The following PRKAR2B variants were observed in gnomAD, a reference collection of about 807,000 sequenced individuals.
PRKAR2B encodes the protein cAMP-dependent protein kinase type II-beta regulatory subunit.
In PRKAR2B, 14 loss-of-function variants were observed where a neutral mutation model predicts 49.9. The ratio of observed to expected loss-of-function variants is 0.28; its 90% confidence interval spans 0.19 to 0.44. The LOEUF (loss-of-function observed/expected upper bound fraction) is 0.44. Among genes scored for constraint, PRKAR2B ranks in the 20% least tolerant of loss-of-function variants. PRKAR2B has a pLI of 1.00. For synonymous variants in PRKAR2B, 196 were observed against 197.7 expected, an observed-to-expected ratio of 0.99 and a Z score of 0.07; for missense variants, 393 against 537.9, an observed-to-expected ratio of 0.73 and a Z score of 2.67.
At chr7:107,060,628 C>G (rs1794009575) in intron 1 of PRKAR2B, among the ~76,000 whole-genome samples, 1 of 143,168 alleles carries the variant, frequency 7.0e-6, no homozygotes, top group African/African-American at 2.5e-5. Context: ...CCCTCCCTTC[C>G]TCTCTTCCTT....
chr7:107,058,959 A>AT (rs1282451162), intron 1 of PRKAR2B, among the ~76,000 whole-genome samples: 1 of 152,178 alleles, frequency 6.6e-6, no homozygotes, highest in African/African-American at 2.4e-5. Context: ...GCTCTGACAG[A>AT]TTTTAACATT....
intron 2 of PRKAR2B, among the ~76,000 whole-genome samples, chr7:107,093,540 C>G (rs1251824331): frequency 3.4e-5 from 5 of 148,038 alleles, no homozygotes; most frequent in Non-Finnish European, 7.4e-5. Flanking sequence ...ACTTTAAGTT[C>G]TAGGGTACAT....
chr7:107,051,909 A>G (rs1037717874), intron 1 of PRKAR2B, among the ~76,000 whole-genome samples: 3 of 152,214 alleles, frequency 2.0e-5, no homozygotes, highest in Admixed American at 6.5e-5. Flanking sequence ...GACATTGTTT[A>G]ATTTACATTA....
At chr7:107,045,462 G>T (rs181695642) in intron 1 of PRKAR2B, among the ~76,000 whole-genome samples, 20 of 152,248 alleles carry the variant, frequency 1.3e-4, no homozygotes, top group Admixed American at 3.3e-4. Flanking sequence ...GGGATGTTAC[G>T]CTTCCCTCTT....
intron 2 of PRKAR2B, among the ~76,000 whole-genome samples, chr7:107,106,736 G>C (rs1795081038): frequency 6.6e-6 from 1 of 152,094 alleles, no homozygotes; most frequent in African/African-American, 2.4e-5. Context: ...GGGGTGTTTG[G>C]TGACTTTGGG....
chr7:107,147,567 C>T (rs1187801589), intron 6 of PRKAR2B, among the ~76,000 whole-genome samples: 2 of 152,172 alleles, frequency 1.3e-5, no homozygotes, highest in East Asian at 1.9e-4. Flanking sequence ...TACAAATCAC[C>T]TGGGAATCCA....
intron 1 of PRKAR2B, among the ~76,000 whole-genome samples, chr7:107,053,525 A>AGT (rs56855022): frequency 0.18 from 25,773 of 141,784 alleles, 2,311 homozygotes; most frequent in Non-Finnish European, 0.21. Flanking sequence ...GATTATAAAG[A>AGT]GTGTGTGTGT....
intron 1 of PRKAR2B, among the ~76,000 whole-genome samples, chr7:107,051,330 C>A (rs1793796190): frequency 6.6e-6 from 1 of 152,074 alleles, no homozygotes; most frequent in Non-Finnish European, 1.5e-5. Flanking sequence ...TAATATTAGA[C>A]TATATTTTCC....
At chr7:107,062,736 G>GA (rs1276086429) in intron 1 of PRKAR2B, among the ~76,000 whole-genome samples, 17 of 151,880 alleles carry the variant, frequency 1.1e-4, no homozygotes, top group African/African-American at 3.1e-4. Flanking sequence ...GGACACTCTT[G>GA]AAATCTTTTT....
rs1258700828 is a variant in PRKAR2B at position 107,137,055 on chromosome 7, T to C, written c.481-3792T>C. Among the ~76,000 whole-genome samples the C allele has an allele frequency of 2.6e-5, 4 of 152,208 alleles. No individual in the cohort carries two copies. The East Asian group carries it at 5.8e-4, about 22-fold the overall frequency. ...GTGAAAGAAGCCAATGTGGAAAGGC[T>C]ATGTGCTGCATGATTCCAACTATTT... On this transcript the variant is annotated intron_variant, in intron 4 of 10. Transcript: ENST00000265717.
chr7:107,121,860 A>G, intron 2 of PRKAR2B, 92 bp from the exon 3 acceptor site: 1 of 653,870 alleles, frequency 1.5e-6, no homozygotes, highest in South Asian at 3.3e-5. Context: ...ATACCGTGGT[A>G]CTCTTTTTGT....
chr7:107,092,277 CTGTG>C (rs34049788), intron 2 of PRKAR2B, among the ~76,000 whole-genome samples: 2 of 145,998 alleles, frequency 1.4e-5, no homozygotes, highest in Admixed American at 6.9e-5. Context: ...GTGCGTGTGT[CTGTG>C]TGTGTGTGTG....
At chr7:107,122,499 A>G (rs1438452303) in intron 3 of PRKAR2B, among the ~76,000 whole-genome samples, 1 of 152,154 alleles carries the variant, frequency 6.6e-6, no homozygotes, top group African/African-American at 2.4e-5. Context: ...GAATTTGTCC[A>G]CTGTGATTTC....
chr7:107,051,029 G>T (rs1381126330), intron 1 of PRKAR2B, among the ~76,000 whole-genome samples: 1 of 152,148 alleles, frequency 6.6e-6, no homozygotes, highest in Non-Finnish European at 1.5e-5. Flanking sequence ...GTCAGAGATG[G>T]CCTCATAGAT....
At chr7:107,086,962 A>G (rs1299660042) in intron 2 of PRKAR2B, among the ~76,000 whole-genome samples, 1 of 152,166 alleles carries the variant, frequency 6.6e-6, no homozygotes, top group African/African-American at 2.4e-5. Flanking sequence ...AAATTAAAAC[A>G]CTTTTAAGAT....
intron 3 of PRKAR2B, among the ~76,000 whole-genome samples, chr7:107,125,792 T>C (rs1795471437): frequency 6.6e-6 from 1 of 151,776 alleles, no homozygotes; most frequent in African/African-American, 2.4e-5. Context: ...AAATACTACT[T>C]AGAAATGGTG....
At chr7:107,144,759 A>G (rs906420953) in intron 5 of PRKAR2B, among the ~76,000 whole-genome samples, 8 of 148,048 alleles carry the variant, frequency 5.4e-5, no homozygotes, top group Non-Finnish European at 1.0e-4. Flanking sequence ...GGCCTGGCCC[A>G]TAATAATTTT....
intron 2 of PRKAR2B, among the ~76,000 whole-genome samples, chr7:107,080,741 A>T (rs1794499089): frequency 6.6e-6 from 1 of 152,226 alleles, no homozygotes; most frequent in Non-Finnish European, 1.5e-5. Flanking sequence ...TCTGATACTT[A>T]TCTTAGGTAC....
Position 107,045,053 on chromosome 7 carries a change from C to A in PRKAR2B, c.146C>A (p.Ala49Glu). Residue 49 changes from alanine (A) to glutamate (E), a missense_variant, in exon 1 of 11, where the codon GCG (alanine) becomes GAG (glutamate). Around this residue, in one of 2 missense-constraint regions of PRKAR2B, gnomAD observed 160 missense variants for 147.6 expected, o/e 1.08. Coordinates refer to ENST00000265717, the MANE Select transcript of PRKAR2B (RefSeq NM_002736.3). ...CAGGAGAACGAGCGCAAAGGCACCG[C>A]GCGCTTCGGCCATGAGGGCAGGACC... ...LQQENERKGTARFGHEGRTWG... is the reference protein window; with the variant it reads ...LQQENERKGTERFGHEGRTWG... The A allele has an allele frequency of 6.5e-7, 1 of 1,545,190 alleles. No individual in the cohort carries two copies. The highest frequency in any genetic ancestry group is 8.7e-7 in the Non-Finnish European group (1 of 1,149,140).
Sources: gnomAD v4.1 joint callset for allele counts (sites outside exome capture counted in the v4.1 genomes callset) on GRCh38, gnomAD v4.1.1 for gene constraint, gnomAD v4.1.1 regional missense constraint, MANE v1.5 for transcripts, NCBI Gene and HGNC (gene_info 2026-07-23, HGNC 2026-07-21) for gene names.